UBA5: variants seen among roughly 807,000 people sequenced by gnomAD.
UBA5 encodes ubiquitin-like modifier-activating enzyme 5.
A neutral mutation model predicts 52.9 loss-of-function variants in UBA5; 28 were observed. The observed-to-expected ratio is 0.53, with a 90% confidence interval of 0.39 to 0.73. The LOEUF (loss-of-function observed/expected upper bound fraction) is 0.73. Among genes scored for constraint, UBA5 ranks in the 30% least tolerant of loss-of-function variants. UBA5 has a pLI of 0.00. For missense variants in UBA5, 388 were observed against 492.7 expected (o/e 0.79, Z 2.01); for synonymous variants, 135 against 162.1 (o/e 0.83, Z 1.27).
At chr3:132,661,016 C>A (rs1227494145) in intron 1 of UBA5, 1 of 1,408,064 alleles carries the variant, frequency 7.1e-7, no homozygotes, top group Non-Finnish European at 9.4e-7. Flanking sequence ...TAAGAACTTT[C>A]AGAAGATGAG....
rs1190385168 is a variant in UBA5, at chr3:132,675,868, G to A, written c.1076G>A (p.Gly359Asp). 6.2e-7 allele frequency: 1 copy of A among 1,611,464 alleles called. No homozygotes were observed. Among genetic ancestry groups the A allele is most frequent in the East Asian group, 2.2e-5 (1 of 44,754 alleles). Reference protein sequence around the residue: ...VSEEELKNFSGPVPDLPEGIT... With the variant: ...VSEEELKNFSDPVPDLPEGIT... ...GAAGAGGAACTGAAAAATTTTTCAG[G>A]TCCAGTTCCAGACTTACCTGAAGGA... Residue 359 changes from glycine to aspartate, a missense_variant, in exon 11 of 12, where the codon GGT (glycine) becomes GAT (aspartate). Transcript: ENST00000356232.
chr3:132,668,737 T>A, intron 3 of UBA5, 81 bp from the exon 4 acceptor site: 1 of 855,514 alleles, frequency 1.2e-6, no homozygotes, highest in Non-Finnish European at 1.8e-6. Flanking sequence ...ACTAATTAAA[T>A]GTAAAGCTCT....
intron 9 of UBA5, 62 bp from the exon 10 acceptor site, chr3:132,675,543 G>T (rs1377299526): frequency 6.5e-7 from 1 of 1,538,876 alleles, no homozygotes; most frequent in Non-Finnish European, 8.9e-7. Flanking sequence ...CTGAATTCTT[G>T]ATTAATGCTT....
rs111510308 is a variant in UBA5, at chr3:132,673,961, C to T, written c.813-1287C>T. On this transcript the variant is annotated intron_variant, in intron 8 of 11. Coordinates refer to ENST00000356232, the MANE Select transcript of UBA5 (RefSeq NM_024818.6). ...AGTTACAGGCATGAGCCACTGCACA[C>T]GGCCTATAGTACACATTTTTTAAAG... Among the ~76,000 whole-genome samples the T allele has an allele frequency of 1.2e-3, 188 of 152,278 alleles. 1 individual carries two copies. The highest frequency in any genetic ancestry group is 3.8e-3 in the African/African-American group (158 of 41,560).
intron 8 of UBA5, among the ~76,000 whole-genome samples, chr3:132,674,140 CAG>C (rs1334774856): frequency 6.6e-6 from 1 of 152,274 alleles, no homozygotes; most frequent in East Asian, 1.9e-4. Context: ...GGGTAAAAAA[CAG>C]GCATTTAATT....
At position 132,677,536 on chromosome 3, in the gene UBA5, G is replaced by A. The variant is rs1329344356; in HGVS notation, c.*1010G>A. 1.3e-5 allele frequency: 2 copies of A among 152,042 alleles called. No homozygotes were observed. The highest frequency in any genetic ancestry group is 1.9e-4 in the East Asian group (1 of 5,194). The allele number at this position is 152,042 out of a possible 1,614,324, so 9.4% of individuals were successfully genotyped here. A position where few individuals can be genotyped will look rare whatever the true frequency, so the allele number is the denominator to read the frequency against. On this transcript the variant is annotated 3_prime_UTR_variant, in exon 12 of 12. Transcript: ENST00000356232. ...AATTGATATAAATTAGTTTTCTCTC[G>A]AGTTACACCCAAGTAATGAAGACTT...
At chr3:132,675,100 A>AATTTCTGTTTTCTGGATGCAG in intron 8 of UBA5, 148 bp from the exon 9 acceptor site, 1 of 598,666 alleles carries the variant, frequency 1.7e-6, no homozygotes, top group Non-Finnish European at 2.9e-6. Context: ...AATAAGATAA[A>AATTTCTGTTTTCTGGATGCAG]ATTTCTGTTT....
intron 3 of UBA5, chr3:132,668,231 G>C (rs1185478427): frequency 6.6e-6 from 1 of 151,394 alleles, no homozygotes; most frequent in Non-Finnish European, 1.5e-5. Context: ...TAAGTGTATA[G>C]CAGGAAACAA....
At chr3:132,675,465 G>A in intron 9 of UBA5, 82 bp downstream of exon 9, 1 of 1,532,242 alleles carries the variant, frequency 6.5e-7, no homozygotes, top group Non-Finnish European at 8.9e-7. Context: ...CAAGATAAAT[G>A]GTTAATTTAT....
chr3:132,654,849 G>T (rs1937696927), intron 1 of UBA5, among the ~76,000 whole-genome samples: 1 of 152,222 alleles, frequency 6.6e-6, no homozygotes, highest in African/African-American at 2.4e-5. Context: ...AATTGGCACT[G>T]ATTCGTTGTG....
At chr3:132,664,803 T>A (rs137905299) in intron 1 of UBA5, among the ~76,000 whole-genome samples, 1 of 152,140 alleles carries the variant, frequency 6.6e-6, no homozygotes, top group South Asian at 2.1e-4. Flanking sequence ...GCAGTAAGTC[T>A]AGAGACAATC....
chr3:132,665,993 A>G lies in UBA5; in HGVS notation c.217A>G (p.Thr73Ala). 1 of 1,613,550 alleles carries G rather than the reference A, an allele frequency of 6.2e-7. No individual in the cohort carries two copies. Among genetic ancestry groups the G allele is most frequent in the South Asian group, 1.1e-5 (1 of 91,070 alleles). ...GIVSDYEKIR[T>A]FAVAIVGVGG... Reference sequence around the variant, plus strand: ...ATTTTATATTTCACAGAAAATCCGTACCTTTGCCGTAGCAATAGTAGGTGT... The same window carrying G: ...ATTTTATATTTCACAGAAAATCCGTGCCTTTGCCGTAGCAATAGTAGGTGT... Residue 73 changes from threonine to alanine, a missense_variant, in exon 3 of 12, where the codon ACC (threonine) becomes GCC (alanine). Coordinates refer to ENST00000356232, the MANE Select transcript of UBA5 (RefSeq NM_024818.6).
Position 132,660,682 on chromosome 3 carries a change from G to C in UBA5, c.145G>C (p.Asp49His). 1 of 1,572,242 alleles carries C rather than the reference G, an allele frequency of 6.4e-7. No homozygotes were observed. The highest frequency in any genetic ancestry group is 8.6e-7 in the Non-Finnish European group (1 of 1,158,724). ...CGAGAAGATGAGCTCAGAGGTGGTG[G>C]ATTCGAATCCCTACAGGTAACCTGC... ...RIEKMSSEVV[D>H]SNPYSRLMAL... The change falls in exon 1 of 12, where the codon GAT (aspartate) becomes CAT (histidine). Residue 49 changes from aspartate to histidine, a missense_variant. By Grantham distance (81) the Asp-to-His change is moderately conservative. Around this residue, in one of 3 missense-constraint regions of UBA5, gnomAD observed 95 missense variants for 107.0 expected, o/e 0.89. Transcript: ENST00000356232. The surrounding 1 kb of genome is among the most constrained non-coding windows in gnomAD (Gnocchi z 4.1).
chr3:132,674,066 C>T (rs1030485914), intron 8 of UBA5, among the ~76,000 whole-genome samples: 2 of 152,174 alleles, frequency 1.3e-5, no homozygotes, highest in South Asian at 4.1e-4. Flanking sequence ...TTTAGGAGTA[C>T]CTGGTTCACC....
Position 132,660,514 on chromosome 3 carries a change from G to A in UBA5, c.-24G>A. On this transcript the variant is annotated 5_prime_UTR_variant, in exon 1 of 12. Transcript: ENST00000356232. The surrounding 1 kb of genome is among the most constrained non-coding windows in gnomAD (Gnocchi z 4.1). ...GCGGCGGCGAAGGCCCGGGCTGGGAGCGTTGGCGGCCGGAGTCCCAGCCAT... is the reference window on the plus strand; with the variant it reads ...GCGGCGGCGAAGGCCCGGGCTGGGAACGTTGGCGGCCGGAGTCCCAGCCAT... 6.5e-7 allele frequency: 1 copy of A among 1,546,810 alleles called. No homozygotes were observed. Among genetic ancestry groups the A allele is most frequent in the Non-Finnish European group, 8.7e-7 (1 of 1,146,552 alleles).
chr3:132,659,467 T>C, upstream of UBA5: 1 of 1,281,664 alleles, frequency 7.8e-7, no homozygotes, highest in Non-Finnish European at 1.1e-6. Flanking sequence ...TAGCAGCTCA[T>C]GCCTGTAGGG....
chr3:132,659,922 A>T, upstream of UBA5: 1 of 718,912 alleles, frequency 1.4e-6, no homozygotes, highest in Admixed American at 3.6e-5. Context: ...TTGCCCGCTG[A>T]ATCCCGAGGT....
chr3:132,662,650 G>C (rs1040240377), intron 1 of UBA5, among the ~76,000 whole-genome samples: 7 of 152,214 alleles, frequency 4.6e-5, no homozygotes, highest in African/African-American at 1.7e-4. Context: ...TTCAGTTTGA[G>C]AGACTACATG....
intron 9 of UBA5, 34 bp downstream of exon 9, chr3:132,675,417 C>A: frequency 6.2e-7 from 1 of 1,606,900 alleles, no homozygotes; most frequent in South Asian, 1.1e-5. Context: ...CATGAGGGAT[C>A]ATATTGAATA....
Sources: allele counts gnomAD v4.1 joint callset (sites outside exome capture counted in the v4.1 genomes callset), GRCh38; gene constraint gnomAD v4.1.1; regional missense constraint gnomAD v4.1.1; non-coding constraint Gnocchi (gnomAD v3.1); transcripts MANE v1.5; gene names NCBI Gene and HGNC (gene_info 2026-07-23, HGNC 2026-07-21).